Variants in HGF observed in about 807,000 individuals in gnomAD.
The protein encoded by HGF is fibroblast-derived tumor cytotoxic factor.
A neutral mutation model predicts 111.6 loss-of-function variants in HGF; 39 were observed. The ratio of observed to expected loss-of-function variants is 0.35; its 90% confidence interval spans 0.27 to 0.46. HGF has a LOEUF of 0.46. Ranked by LOEUF, HGF falls within the 20% of genes least tolerant of loss-of-function variation. The probability of loss-of-function intolerance (pLI) is 1.00; values close to 1 mark genes in which losing one functional copy is unlikely to be tolerated. For synonymous variants in HGF, 285 were observed against 294.8 expected, an observed-to-expected ratio of 0.97 and a Z score of 0.34; for missense variants, 735 against 910.5, an observed-to-expected ratio of 0.81 and a Z score of 2.48.
chr7:81,742,728 G>T, intron 7 of HGF: 2 of 1,431,226 alleles, frequency 1.4e-6, no homozygotes, highest in South Asian at 1.5e-5. Context: ...ATTCAGAAAA[G>T]CTAGGTAAGG....
chr7:81,763,463 T>A (rs1789203485), intron 1 of HGF, among the ~76,000 whole-genome samples: 1 of 152,186 alleles, frequency 6.6e-6, no homozygotes, highest in Admixed American at 6.5e-5. Flanking sequence ...ATCACCGAAC[T>A]ATTTGTCTTG....
chr7:81,717,292 C>T lies in HGF; in HGVS notation c.1345G>A (p.Gly449Arg), dbSNP rs1450812000. The T allele has an allele frequency of 6.2e-7, 1 of 1,613,180 alleles. No homozygotes were observed. Among genetic ancestry groups the T allele is most frequent in the African/African-American group, 1.3e-5 (1 of 74,860 alleles). ...GGATTTCCCGTGTAGCACCAGGGTC[C>T]ATGAGCATCATCATCTGGATTTCGG... ...YCRNPDDDAH[G>R]PWCYTGNPLI... is the part of the protein sequence containing the mutation. Residue 449 changes from glycine (G) to arginine (R), a missense_variant, in exon 11 of 18, where the codon GGA becomes AGA. Gly to Arg is a moderately radical substitution (Grantham distance 125). Around this residue, in one of 3 missense-constraint regions of HGF, gnomAD observed 553 missense variants for 685.6 expected, o/e 0.81. Coordinates refer to ENST00000222390, the MANE Select transcript of HGF (RefSeq NM_000601.6).
At chr7:81,721,042 G>A (rs571303394) in intron 9 of HGF, among the ~76,000 whole-genome samples, 195 bp from the exon 10 acceptor site, 2 of 152,290 alleles carry the variant, frequency 1.3e-5, no homozygotes, top group South Asian at 2.1e-4. Context: ...TCAGGAGATC[G>A]AGACCATCCT....
intron 11 of HGF, among the ~76,000 whole-genome samples, chr7:81,712,616 T>C (rs943972429): frequency 7.9e-5 from 12 of 152,220 alleles, no homozygotes; most frequent in Non-Finnish European, 1.5e-4. Flanking sequence ...GAAATACTTA[T>C]GCTGTAATGA....
intron 3 of HGF, among the ~76,000 whole-genome samples, chr7:81,758,191 C>A (rs969600008): frequency 6.6e-6 from 1 of 151,788 alleles, no homozygotes; most frequent in Non-Finnish European, 1.5e-5. Flanking sequence ...GTCTCAATTC[C>A]TCCTTTAAAT....
chr7:81,745,137 A>C lies in HGF; in HGVS notation c.626-17T>G, dbSNP rs781160841. ...TGCATTCAACTAATAAAATTAAAGT[A>C]TGGCATGTTAATTGTTTCTGACAGC... On this transcript the variant is annotated splice_polypyrimidine_tract_variant and intron_variant, in intron 5 of 17. Coordinates refer to ENST00000222390, the MANE Select transcript of HGF (RefSeq NM_000601.6). 7 of 1,613,094 alleles carry C rather than the reference A, an allele frequency of 4.3e-6. No individual in the cohort carries two copies. In the Admixed American group the frequency reaches 1.2e-4, roughly 27 times the overall value.
At chr7:81,716,770 T>C (rs1789723334) in intron 11 of HGF, among the ~76,000 whole-genome samples, 1 of 152,284 alleles carries the variant, frequency 6.6e-6, no homozygotes, top group South Asian at 2.1e-4. Flanking sequence ...TCCAGGCTCT[T>C]CTTTAGTCTT....
At chr7:81,727,896 T>C (rs1046805557) in intron 8 of HGF, among the ~76,000 whole-genome samples, 49 of 152,354 alleles carry the variant, frequency 3.2e-4, no homozygotes, top group Non-Finnish European at 2.2e-4. Flanking sequence ...TTTGCCCAGA[T>C]ATTTTTACTA....
At position 81,743,463 on chromosome 7, in the gene HGF, T is replaced by C. The variant is rs1054687451; in HGVS notation, c.755A>G (p.Asp252Gly). The C allele has an allele frequency of 3.7e-6, 6 of 1,605,776 alleles. No homozygotes were observed. In the East Asian group the frequency reaches 1.3e-4, roughly 36 times the overall value. ...RHKFLPERYPDKGFDDNYCRN... is the reference protein window; with the variant it reads ...RHKFLPERYPGKGFDDNYCRN... ...GCAATAATTATCATCAAAGCCCTTG[T>C]CGGGATATCTGCAAACCACACCAAG... The change falls in exon 7 of 18, where the codon GAC becomes GGC. Residue 252 changes from aspartate (D) to glycine (G), a missense_variant. Physicochemically the swap from Asp to Gly is moderately conservative, Grantham distance 94. This residue lies in a region of HGF where 553 missense variants were observed against 685.6 expected (regional missense o/e 0.81). Transcript: ENST00000222390.
At chr7:81,761,078 C>G (rs1463507567) in intron 2 of HGF, among the ~76,000 whole-genome samples, 1 of 152,146 alleles carries the variant, frequency 6.6e-6, no homozygotes, top group Non-Finnish European at 1.5e-5. Flanking sequence ...GGTGTCCTCT[C>G]CTTCCCTTTT....
chr7:81,706,221 G>T, intron 15 of HGF, 66 bp downstream of exon 15: 1 of 1,430,194 alleles, frequency 7.0e-7, no homozygotes, highest in Non-Finnish European at 9.9e-7. Context: ...CTGCCACACA[G>T]CTGAAGAAAA....
chr7:81,745,252 T>A (rs1018632020), intron 5 of HGF, 132 bp from the exon 6 acceptor site: 27 of 846,370 alleles, frequency 3.2e-5, no homozygotes, highest in Non-Finnish European at 5.0e-5. Context: ...TCTAACTTTT[T>A]ATTAGGGCCT....
At chr7:81,717,447 C>T in intron 10 of HGF, 82 bp from the exon 11 acceptor site, 1 of 1,298,038 alleles carries the variant, frequency 7.7e-7, no homozygotes, top group African/African-American at 1.4e-5. Flanking sequence ...GATATAATCT[C>T]AGCACATTAC....
intron 7 of HGF, among the ~76,000 whole-genome samples, chr7:81,730,696 G>T (rs900347992): frequency 1.3e-5 from 2 of 151,978 alleles, no homozygotes; most frequent in Non-Finnish European, 2.9e-5. Flanking sequence ...TCTCTGTAAT[G>T]TTTAGTCAAT....
At chr7:81,748,025 C>T (rs1445004419) in intron 5 of HGF, among the ~76,000 whole-genome samples, 1 of 152,170 alleles carries the variant, frequency 6.6e-6, no homozygotes, top group Non-Finnish European at 1.5e-5. Flanking sequence ...AAACAAGTCT[C>T]ACAAAAGTTT....
intron 4 of HGF, 194 bp downstream of exon 4, chr7:81,756,995 C>T: frequency 1.7e-6 from 1 of 599,688 alleles, no homozygotes; most frequent in Non-Finnish European, 3.0e-6. Flanking sequence ...ATTGTTTTGG[C>T]TACATTTTAT....
intron 9 of HGF, among the ~76,000 whole-genome samples, chr7:81,722,980 A>G (rs541173815): frequency 6.6e-6 from 1 of 152,036 alleles, no homozygotes; most frequent in South Asian, 2.1e-4. Flanking sequence ...TTTTATATGA[A>G]TGAAAACTGT....
chr7:81,721,257 GA>G (rs148152282), intron 9 of HGF, among the ~76,000 whole-genome samples: 144 of 146,400 alleles, frequency 9.8e-4, no homozygotes, highest in African/African-American at 3.4e-3. Flanking sequence ...AAAACAAAAA[GA>G]AAAAAAAAAT....
In HGF at chr7:81,726,022, T is replaced by C. The variant is rs1487463396; in HGVS notation, c.1041-5A>G. 6.2e-7 allele frequency: 1 copy of C among 1,613,340 alleles called. No individual in the cohort carries two copies. The highest frequency in any genetic ancestry group is 8.5e-7 in the Non-Finnish European group (1 of 1,179,392). On this transcript the variant is annotated splice_region_variant and splice_polypyrimidine_tract_variant and intron_variant, in intron 8 of 17. Coordinates refer to ENST00000222390, the MANE Select transcript of HGF (RefSeq NM_000601.6). The stretch of plus-strand genomic sequence containing the variant: ...CAGTAATTTTCTCGTAGGTCCCTAT[T>C]GAGAATAAGCATGTTAATGTAAATT...
Sources: gnomAD v4.1 joint callset for allele counts (sites outside exome capture counted in the v4.1 genomes callset) on GRCh38, gnomAD v4.1.1 for gene constraint, gnomAD v4.1.1 regional missense constraint, MANE v1.5 for transcripts, NCBI Gene and HGNC (gene_info 2026-07-23, HGNC 2026-07-21) for gene names.